NXPH2: variants seen among roughly 807,000 people sequenced by gnomAD.
NXPH2 encodes the protein neurexophilin-2.
A neutral mutation model predicts 19.8 loss-of-function variants in NXPH2; 5 were observed. That is an observed-to-expected ratio of 0.25 (90% CI 0.13 to 0.53). NXPH2 has a LOEUF of 0.53. Among genes scored for constraint, NXPH2 ranks in the 20% least tolerant of loss-of-function variants. The pLI is 0.96. For missense variants in NXPH2, 289 were observed against 322.8 expected (o/e 0.90, Z 0.80); for synonymous variants, 154 against 127.4 (o/e 1.21, Z -1.41).
intron 1 of NXPH2, among the ~76,000 whole-genome samples, chr2:138,736,173 T>C (rs1303518294): frequency 1.3e-5 from 2 of 152,192 alleles, no homozygotes; most frequent in Non-Finnish European, 2.9e-5. Context: ...ACAGCTACAC[T>C]AGGTGGTATC....
intron 1 of NXPH2, among the ~76,000 whole-genome samples, chr2:138,697,317 A>T (rs1680843341): frequency 6.6e-6 from 1 of 152,184 alleles, no homozygotes; most frequent in Non-Finnish European, 1.5e-5. Flanking sequence ...AAGACTGTTT[A>T]TTATACTGTA....
chr2:138,691,020 T>C (rs1032066045), intron 1 of NXPH2, among the ~76,000 whole-genome samples: 1 of 152,092 alleles, frequency 6.6e-6, no homozygotes, highest in African/African-American at 2.4e-5. Context: ...GGGAAGAGTG[T>C]TGTGGGCAGA....
At chr2:138,725,620 A>G (rs1218572084) in intron 1 of NXPH2, among the ~76,000 whole-genome samples, 4 of 152,212 alleles carry the variant, frequency 2.6e-5, no homozygotes, top group African/African-American at 9.7e-5. Context: ...ATGTTACATA[A>G]TATTTGGCAT....
intron 1 of NXPH2, among the ~76,000 whole-genome samples, chr2:138,687,056 G>A (rs972408105): frequency 2.0e-5 from 3 of 152,038 alleles, no homozygotes; most frequent in African/African-American, 7.3e-5. Flanking sequence ...ATAATTTTTT[G>A]GGTATATACC....
chr2:138,716,253 C>T (rs1681193631), intron 1 of NXPH2, among the ~76,000 whole-genome samples: 1 of 152,076 alleles, frequency 6.6e-6, no homozygotes, highest in Non-Finnish European at 1.5e-5. Flanking sequence ...ATGTTATGGT[C>T]TGCATGTTTA....
At chr2:138,757,675 A>G (rs1433668749) in intron 1 of NXPH2, among the ~76,000 whole-genome samples, 1 of 152,112 alleles carries the variant, frequency 6.6e-6, no homozygotes, top group Non-Finnish European at 1.5e-5. Context: ...CCAGCCTCTA[A>G]ATTGTGTAAG....
intron 1 of NXPH2, among the ~76,000 whole-genome samples, chr2:138,674,242 C>T (rs1012165782): frequency 1.3e-5 from 2 of 152,070 alleles, no homozygotes; most frequent in African/African-American, 4.8e-5. Context: ...CAATCTCCAC[C>T]TCCAGGGTTT....
At chr2:138,712,614 A>G (rs1354128190) in intron 1 of NXPH2, among the ~76,000 whole-genome samples, 1 of 152,164 alleles carries the variant, frequency 6.6e-6, no homozygotes, top group East Asian at 1.9e-4. Flanking sequence ...CAACCACTAA[A>G]TATGTCTAAG....
At chr2:138,738,350 C>T (rs373057924) in intron 1 of NXPH2, among the ~76,000 whole-genome samples, 12 of 152,092 alleles carry the variant, frequency 7.9e-5, no homozygotes, top group African/African-American at 1.9e-4. Context: ...CTTGGTATAA[C>T]GAATGACACT....
intron 1 of NXPH2, among the ~76,000 whole-genome samples, chr2:138,748,075 C>A (rs530374234): frequency 4.6e-5 from 7 of 152,176 alleles, no homozygotes; most frequent in East Asian, 3.9e-4. Context: ...ATCAGCTTTG[C>A]CATTTACCAG....
At chr2:138,758,393 G>A (rs1296715774) in intron 1 of NXPH2, among the ~76,000 whole-genome samples, 1 of 152,048 alleles carries the variant, frequency 6.6e-6, no homozygotes, top group African/African-American at 2.4e-5. Context: ...AAGCATAACT[G>A]AAAGTTCATA....
chr2:138,752,378 G>T (rs1008122763), intron 1 of NXPH2, among the ~76,000 whole-genome samples: 7 of 152,094 alleles, frequency 4.6e-5, no homozygotes, highest in Admixed American at 2.6e-4. Flanking sequence ...GATGCCTTTA[G>T]GTCTGGCACT....
chr2:138,735,486 C>A (rs1681525578), intron 1 of NXPH2, among the ~76,000 whole-genome samples: 1 of 152,136 alleles, frequency 6.6e-6, no homozygotes, highest in South Asian at 2.1e-4. Flanking sequence ...TATTCACTAT[C>A]ACAAGAACAG....
chr2:138,669,263 C>T lies in NXPH2; in HGVS notation c.*1659G>A, dbSNP rs1473742603. 6.6e-6 allele frequency among the ~76,000 whole-genome samples: 1 copy of T among 151,952 alleles called. No homozygotes were observed. The highest frequency in any genetic ancestry group is 6.6e-5 in the Admixed American group (1 of 15,248). ...TATATATATATAGATATATGATTCCCACATATTTTACAATAAATAATATTT... is the reference window on the plus strand; with the variant it reads ...TATATATATATAGATATATGATTCCTACATATTTTACAATAAATAATATTT... On this transcript the variant is annotated 3_prime_UTR_variant, in exon 2 of 2. Transcript: ENST00000272641.
intron 1 of NXPH2, among the ~76,000 whole-genome samples, chr2:138,710,249 T>A (rs1681085113): frequency 6.6e-6 from 1 of 152,232 alleles, no homozygotes; most frequent in Non-Finnish European, 1.5e-5. Flanking sequence ...ACTCCATTCC[T>A]TTTTACGGCT....
chr2:138,739,104 G>T (rs1214089538), intron 1 of NXPH2, among the ~76,000 whole-genome samples: 1 of 152,118 alleles, frequency 6.6e-6, no homozygotes, highest in Admixed American at 6.5e-5. Flanking sequence ...GCTTCCACGG[G>T]AAATGTTTTA....
At chr2:138,754,477 T>C (rs1049389153) in intron 1 of NXPH2, among the ~76,000 whole-genome samples, 1 of 152,192 alleles carries the variant, frequency 6.6e-6, no homozygotes, top group African/African-American at 2.4e-5. Context: ...CTCAGCAGTG[T>C]GCATTAAAGG....
At chr2:138,679,400 A>ATTT (rs34158790) in intron 1 of NXPH2, among the ~76,000 whole-genome samples, 87 of 139,956 alleles carry the variant, frequency 6.2e-4, no homozygotes, top group Admixed American at 8.6e-4. Flanking sequence ...AGAGGCCTGA[A>ATTT]TTTTTTTTTT....
chr2:138,688,781 A>G (rs576037925), intron 1 of NXPH2, among the ~76,000 whole-genome samples: 3 of 152,314 alleles, frequency 2.0e-5, no homozygotes, highest in East Asian at 3.9e-4. Context: ...GCAGCATTTC[A>G]TACATAAAGT....
Sources: allele counts gnomAD v4.1 joint callset (sites outside exome capture counted in the v4.1 genomes callset), GRCh38; gene constraint gnomAD v4.1.1; transcripts MANE v1.5; gene names NCBI Gene and HGNC (gene_info 2026-07-23, HGNC 2026-07-21).